Variants in AP1B1 observed in about 807,000 individuals in gnomAD.
AP1B1 encodes adaptor related protein complex 1 subunit beta 1, also known as AP-1 complex subunit beta-1.
A neutral mutation model predicts 104.3 loss-of-function variants in AP1B1; 36 were observed. The ratio of observed to expected loss-of-function variants is 0.35; its 90% CI spans 0.26 to 0.46. The LOEUF is 0.46. AP1B1 is among the 20% of genes least tolerant of loss of function. The pLI is 1.00. For missense variants in AP1B1, 901 were observed against 1,247.9 expected (o/e 0.72, Z 4.19); for synonymous variants, 504 against 517.5 (o/e 0.97, Z 0.35).
At position 29,328,186 on chromosome 22, in the gene AP1B1, C is replaced by G. The variant is rs2061505932; in HGVS notation, c.*635G>C. On this transcript the variant is annotated 3_prime_UTR_variant, in exon 23 of 23. Transcript: ENST00000357586. This position sits in a 1 kb window ranked among gnomAD's most constrained non-coding sequence, Gnocchi z 4.1. ...GGGGCTCTGGGAGCTTCTGCCTGGTCTTGACCATGTGGGTCAGCACTCGGG... is the reference window on the plus strand; with the variant it reads ...GGGGCTCTGGGAGCTTCTGCCTGGTGTTGACCATGTGGGTCAGCACTCGGG... The G allele has an allele frequency of 6.5e-6, 1 of 152,886 alleles. No individual in the cohort carries two copies. Among genetic ancestry groups the G allele is most frequent in the Admixed American group, 6.5e-5 (1 of 15,288 alleles). The allele number at this position is 152,886 out of a possible 1,614,324, so 9.5% of individuals were successfully genotyped here.
chr22:29,353,089 T>A (rs2061902167), intron 7 of AP1B1, among the ~76,000 whole-genome samples: 1 of 152,176 alleles, frequency 6.6e-6, no homozygotes, highest in Non-Finnish European at 1.5e-5. Context: ...CTAGGTCACA[T>A]GGCTAATGTC....
At chr22:29,379,082 A>G (rs1009095474) in intron 1 of AP1B1, among the ~76,000 whole-genome samples, 8 of 152,270 alleles carry the variant, frequency 5.3e-5, no homozygotes, top group African/African-American at 1.7e-4. Context: ...TGATGGGCGC[A>G]GTGGCTCATG....
intron 2 of AP1B1, among the ~76,000 whole-genome samples, chr22:29,365,355 A>G (rs1010072121): frequency 5.3e-5 from 8 of 149,778 alleles, no homozygotes; most frequent in Non-Finnish European, 1.1e-4. Flanking sequence ...ACCCCAAAAT[A>G]AAAAAAATAG....
intron 1 of AP1B1, among the ~76,000 whole-genome samples, chr22:29,374,984 C>A (rs977486723): frequency 1.3e-5 from 2 of 152,152 alleles, no homozygotes; most frequent in Admixed American, 1.3e-4. Context: ...ACAGTAAGAC[C>A]CCAACTCTAT....
chr22:29,372,904 A>G (rs912991446), intron 1 of AP1B1, among the ~76,000 whole-genome samples: 10 of 152,208 alleles, frequency 6.6e-5, no homozygotes, highest in African/African-American at 2.4e-4. Context: ...TTTTTCTCCA[A>G]TGTCTCAAAA....
At chr22:29,330,773 C>T in intron 19 of AP1B1, 64 bp from the exon 20 acceptor site, 2 of 1,420,732 alleles carry the variant, frequency 1.4e-6, no homozygotes, top group South Asian at 2.4e-5. Context: ...CCCTCTGTAG[C>T]TCAGCAGGAA....
intron 11 of AP1B1, among the ~76,000 whole-genome samples, chr22:29,348,135 T>C (rs2061820156): frequency 6.6e-6 from 1 of 152,238 alleles, no homozygotes; most frequent in Non-Finnish European, 1.5e-5. Context: ...GAGCAATCCA[T>C]GTTTGTGAAT....
intron 1 of AP1B1, among the ~76,000 whole-genome samples, chr22:29,382,760 ATGTC>A (rs999015621): frequency 1.3e-5 from 2 of 152,160 alleles, no homozygotes; most frequent in Non-Finnish European, 2.9e-5. Flanking sequence ...TGTGCCTGGC[ATGTC>A]TGAGGAACAG....
chr22:29,353,268 C>T (rs2061904979), intron 7 of AP1B1, among the ~76,000 whole-genome samples: 3 of 152,116 alleles, frequency 2.0e-5, no homozygotes, highest in South Asian at 2.1e-4. Flanking sequence ...GTGCACACTG[C>T]GGGGAGGTCC....
intron 9 of AP1B1, 135 bp downstream of exon 9, chr22:29,351,036 A>G: frequency 1.2e-6 from 1 of 807,976 alleles, no homozygotes; most frequent in Non-Finnish European, 2.0e-6. Flanking sequence ...AATGCTTGCC[A>G]TGGGGGCTCC....
intron 11 of AP1B1, among the ~76,000 whole-genome samples, chr22:29,343,213 C>T (rs575386566): frequency 2.7e-4 from 41 of 152,218 alleles, no homozygotes; most frequent in Non-Finnish European, 5.1e-4. Flanking sequence ...TTTGCTAGTC[C>T]TAGGACAAGG....
intron 5 of AP1B1, among the ~76,000 whole-genome samples, chr22:29,357,103 G>A (rs1198563901): frequency 6.7e-6 from 1 of 149,706 alleles, no homozygotes; most frequent in Non-Finnish European, 1.5e-5. Context: ...GTGCTCTGTC[G>A]CCCAGGTTGC....
In AP1B1 at chr22:29,328,996, T is replaced by C. The variant is rs764535965; in HGVS notation, c.2776-101A>G. On this transcript the variant is annotated intron_variant, in intron 22 of 22. Coordinates refer to ENST00000357586, the MANE Select transcript of AP1B1 (RefSeq NM_001127.4). This position sits in a 1 kb window ranked among gnomAD's most constrained non-coding sequence, Gnocchi z 4.1. ...GAGAGCAGGAACCAATGGGACAGCG[T>C]GGAGTGCACACAGCCTGGCGGCAGC... 1.3e-4 allele frequency: 202 copies of C among 1,524,304 alleles called. No homozygotes were observed. The highest frequency in any genetic ancestry group is 1.6e-4 in the Non-Finnish European group (186 of 1,137,384). 94.4% of individuals were successfully genotyped at this position (1,524,304 alleles called of 1,614,324 possible). A position where few individuals can be genotyped will look rare whatever the true frequency, so the allele number is the denominator to read the frequency against.
chr22:29,350,407 G>A (rs536296373), intron 9 of AP1B1, among the ~76,000 whole-genome samples: 173 of 152,278 alleles, frequency 1.1e-3, no homozygotes, highest in African/African-American at 3.8e-3. Context: ...GAGGGTCCTT[G>A]GAGCTCCTCT....
At position 29,341,611 on chromosome 22, in the gene AP1B1, C is replaced by T. The variant is rs1308684487; in HGVS notation, c.1686G>A (p.Glu562=). 6 of 1,614,132 alleles carry T rather than the reference C, an allele frequency of 3.7e-6. No homozygotes were observed. The highest frequency in any genetic ancestry group is 5.1e-6 in the Non-Finnish European group (6 of 1,180,056). The change falls in exon 13 of 23, where the codon GAG becomes GAA. Residue 562 remains glutamate (E), a synonymous_variant. Coordinates refer to ENST00000357586, the MANE Select transcript of AP1B1 (RefSeq NM_001127.4). The stretch of plus-strand genomic sequence containing the variant: ...CCAGCGTGCCGATGTAGCAGATAAG[C>T]TCGTCTAACAGTGTGGGCTCGATGA... The part of the protein sequence containing the change: ...TDLIEPTLLD[E]LICYIGTLAS...
At chr22:29,371,715 G>T (rs2062241523) in intron 1 of AP1B1, among the ~76,000 whole-genome samples, 2 of 151,988 alleles carry the variant, frequency 1.3e-5, no homozygotes, top group South Asian at 4.1e-4. Context: ...GCGACAGAGT[G>T]AGACTCCGTC....
At chr22:29,383,690 CAAAA>C (rs35180572) in intron 1 of AP1B1, among the ~76,000 whole-genome samples, 6 of 89,798 alleles carry the variant, frequency 6.7e-5, no homozygotes, top group Admixed American at 2.4e-4. Context: ...GACTCCGTCT[CAAAA>C]AAAAAAAAAA....
At position 29,362,902 on chromosome 22, in the gene AP1B1, G is replaced by A. The variant is rs1383163299; in HGVS notation, c.143+99C>T. On this transcript the variant is annotated intron_variant, in intron 3 of 22. Coordinates refer to ENST00000357586, the MANE Select transcript of AP1B1 (RefSeq NM_001127.4). ...GGGAGCTGTATGAGGGGAGACATGG[G>A]TCCCTAGACACCCTAAAGGAGAGAC... The A allele has an allele frequency of 4.3e-6, 3 of 694,608 alleles. No individual in the cohort carries two copies. In the East Asian group the frequency reaches 7.4e-5, roughly 17 times the overall value. 43.0% of individuals were successfully genotyped at this position (694,608 alleles called of 1,614,324 possible). A position where few individuals can be genotyped will look rare whatever the true frequency, so the allele number is the denominator to read the frequency against.
At position 29,350,024 on chromosome 22, in the gene AP1B1, C is replaced by T. The variant is rs541367205; in HGVS notation, c.1271+11G>A. ...GCTAGATGCCCTCTCCCTAGGAGGG[C>T]GGGCACGCACTTGTTGGGGTACTTG... is the stretch of plus-strand genomic sequence containing the variant. On this transcript the variant is annotated intron_variant, in intron 10 of 22. Coordinates refer to ENST00000357586, the MANE Select transcript of AP1B1 (RefSeq NM_001127.4). The T allele has an allele frequency of 2.8e-4, 446 of 1,601,886 alleles. 8 individuals carry two copies. The South Asian group carries it at 4.2e-3, about 15-fold the overall frequency.
Sources: gnomAD v4.1 joint callset for allele counts (sites outside exome capture counted in the v4.1 genomes callset) on GRCh38, gnomAD v4.1.1 for gene constraint, Gnocchi (gnomAD v3.1) non-coding constraint, MANE v1.5 for transcripts, NCBI Gene and HGNC (gene_info 2026-07-23, HGNC 2026-07-21) for gene names.